XPO1: variants seen among roughly 807,000 people sequenced by gnomAD.
XPO1 encodes the protein exportin-1.
Under a neutral mutation model 133.3 loss-of-function variants are expected in XPO1, and 5 were observed. That is an observed-to-expected ratio of 0.04 (90% confidence interval 0.02 to 0.08). The LOEUF is 0.08. Ranked by LOEUF, XPO1 falls within the 10% of genes least tolerant of loss-of-function variation. XPO1 has a pLI of 1.00. For synonymous variants in XPO1, 419 were observed against 408.2 expected (o/e 1.03, Z -0.32); for missense variants, 506 against 1,267.5 (o/e 0.40, Z 9.12).
At chr2:61,526,331 A>T in intron 3 of XPO1, 89 bp downstream of exon 3, 2 of 1,488,164 alleles carry the variant, frequency 1.3e-6, no homozygotes, top group Non-Finnish European at 1.8e-6. Context: ...TTGAGATAAC[A>T]AATGCTAATA....
chr2:61,502,115 A>ATG, intron 5 of XPO1, 75 bp from the exon 6 acceptor site: 2 of 1,512,846 alleles, frequency 1.3e-6, no homozygotes, highest in East Asian at 4.5e-5. Flanking sequence ...ATCCTAACAA[A>ATG]TGATTACAGC....
chr2:61,513,909 T>C (rs564283156), intron 4 of XPO1, among the ~76,000 whole-genome samples: 3 of 152,118 alleles, frequency 2.0e-5, no homozygotes, highest in South Asian at 2.1e-4. Flanking sequence ...TGGCGGGGCA[T>C]GGTGGGCTTA....
At chr2:61,487,675 G>A (rs1328086280) in intron 19 of XPO1, among the ~76,000 whole-genome samples, 1 of 152,108 alleles carries the variant, frequency 6.6e-6, no homozygotes, top group African/African-American at 2.4e-5. Flanking sequence ...AATTTTACAA[G>A]TTGAGGCATA....
Position 61,487,718 on chromosome 2 carries a change from C to G in XPO1, c.2313+447G>C, listed in dbSNP as rs185676441. 6.1e-3 allele frequency among the ~76,000 whole-genome samples: 933 copies of G among 152,228 alleles called. 5 individuals are homozygous for G. The highest frequency in any genetic ancestry group is 9.9e-3 in the Non-Finnish European group (673 of 68,000). Reference sequence around the variant, plus strand: ...GGTTTTTATTACTGAAAATGATTTCCTTTTCTGCAAATCATTTAGGAAAAA... The same window carrying G: ...GGTTTTTATTACTGAAAATGATTTCGTTTTCTGCAAATCATTTAGGAAAAA... On this transcript the variant is annotated intron_variant, in intron 19 of 24. Transcript: ENST00000401558.
intron 20 of XPO1, chr2:61,484,356 A>G (rs1696564408): frequency 2.4e-6 from 1 of 409,566 alleles, no homozygotes; most frequent in East Asian, 4.5e-5. Flanking sequence ...GAACTCATCT[A>G]AACCATTATT....
Position 61,478,784 on chromosome 2 carries a change from G to A in XPO1, c.*36C>T, listed in dbSNP as rs754032791. 5.4e-5 allele frequency: 87 copies of A among 1,605,234 alleles called. 1 individual carries two copies. The highest frequency in any genetic ancestry group is 6.6e-5 in the Non-Finnish European group (77 of 1,175,160). ...CCACATGCTGTTTTCCTCTGCTAAC[G>A]AGTTGCAGAGAAAAAAAACAGCATG... On this transcript the variant is annotated 3_prime_UTR_variant, in exon 25 of 25. Transcript: ENST00000401558.
intron 11 of XPO1, 141 bp from the exon 12 acceptor site, chr2:61,494,232 C>G (rs1012518779): frequency 3.3e-5 from 25 of 754,102 alleles, no homozygotes; most frequent in Non-Finnish European, 4.7e-5. Flanking sequence ...ATCAAATAGA[C>G]AGCAAACTCT....
At chr2:61,487,635 C>T (rs570012595) in intron 19 of XPO1, among the ~76,000 whole-genome samples, 16 of 151,962 alleles carry the variant, frequency 1.1e-4, no homozygotes, top group African/African-American at 2.9e-4. Flanking sequence ...AAGAATGAAA[C>T]GATACAGTTA....
chr2:61,508,650 T>TA (rs1420796724), intron 4 of XPO1, among the ~76,000 whole-genome samples: 9 of 152,210 alleles, frequency 5.9e-5, no homozygotes, highest in African/African-American at 2.2e-4. Context: ...AATGATAGCG[T>TA]AAAAAGCACG....
intron 2 of XPO1, among the ~76,000 whole-genome samples, chr2:61,528,737 ATATATATAT>A: frequency 2.7e-4 from 1 of 3,742 alleles, no homozygotes; most frequent in South Asian, 0.014. Context: ...TTTTATTTAT[ATATATATAT>A]ATATATATAT....
At chr2:61,535,748 T>C (rs532703713) in intron 1 of XPO1, among the ~76,000 whole-genome samples, 1 of 152,324 alleles carries the variant, frequency 6.6e-6, no homozygotes, top group East Asian at 1.9e-4. Flanking sequence ...CGTTTCGTAG[T>C]AGGCATTAAA....
intron 2 of XPO1, among the ~76,000 whole-genome samples, chr2:61,531,337 A>C (rs1424838806): frequency 6.6e-6 from 1 of 152,232 alleles, no homozygotes; most frequent in East Asian, 1.9e-4. Flanking sequence ...ACTTTGGGAA[A>C]GTTAACCTAT....
intron 4 of XPO1, among the ~76,000 whole-genome samples, chr2:61,518,393 A>AAAAAAAC (rs1332070783): frequency 2.4e-4 from 30 of 124,510 alleles, no homozygotes; most frequent in African/African-American, 8.4e-4. Flanking sequence ...TCTACTAAAA[A>AAAAAAAC]AAAAAACAAA....
At position 61,488,460 on chromosome 2, in the gene XPO1, G is replaced by A. The variant is rs879001994; in HGVS notation, c.2206+128C>T. The A allele has an allele frequency of 6.0e-6, 7 of 1,168,418 alleles. No individual in the cohort carries two copies. The South Asian group carries it at 9.0e-5, about 15-fold the overall frequency. The allele number at this position is 1,168,418 out of a possible 1,614,324, so 72.4% of individuals were successfully genotyped here. ...AGGTACACTTAACTGTTTTAAATAT[G>A]TCTAGGGTCATTTGGGAAATGGGAG... is the stretch of plus-strand genomic sequence containing the variant. On this transcript the variant is annotated intron_variant, in intron 18 of 24. Transcript: ENST00000401558.
intron 10 of XPO1, among the ~76,000 whole-genome samples, chr2:61,496,203 T>C (rs1271834005): frequency 1.3e-5 from 2 of 151,940 alleles, no homozygotes; most frequent in African/African-American, 4.8e-5. Context: ...ACATACATAG[T>C]AATCTATCTT....
chr2:61,488,436 G>C, intron 18 of XPO1, 152 bp downstream of exon 18: 2 of 1,132,024 alleles, frequency 1.8e-6, no homozygotes, highest in Non-Finnish European at 2.5e-6. Context: ...AAAAGGGAAA[G>C]GTACACTTAA....
At chr2:61,479,592 A>G (rs762585847) in intron 24 of XPO1, among the ~76,000 whole-genome samples, 1 of 152,022 alleles carries the variant, frequency 6.6e-6, no homozygotes, top group African/African-American at 2.4e-5. Context: ...ATTCACACAA[A>G]TTTTGTTCTC....
At chr2:61,521,941 A>C (rs954980522) in intron 4 of XPO1, among the ~76,000 whole-genome samples, 6 of 152,070 alleles carry the variant, frequency 3.9e-5, no homozygotes, top group Admixed American at 1.3e-4. Context: ...AATTTTTTGT[A>C]AACACAGGGT....
Position 61,498,775 on chromosome 2 carries a change from A to C in XPO1, c.657T>G (p.Ala219=), listed in dbSNP as rs1697362958. 1 of 1,613,852 alleles carries C rather than the reference A, an allele frequency of 6.2e-7. No homozygotes were observed. Among genetic ancestry groups the C allele is most frequent in the Non-Finnish European group, 8.5e-7 (1 of 1,179,970 alleles). ...CQFVMENSQN[A]PLVHATLETL... is the part of the protein sequence containing the mutation. Reference sequence around the variant, plus strand: ...TTTCCAAGGTTGCATGTACAAGTGGAGCATTTTGAGAATTTTCCTATAACA... The same window carrying C: ...TTTCCAAGGTTGCATGTACAAGTGGCGCATTTTGAGAATTTTCCTATAACA... Residue 219 remains alanine (A), a synonymous_variant, in exon 9 of 25, where the codon GCT becomes GCG. Transcript: ENST00000401558.
Sources: allele counts gnomAD v4.1 joint callset (sites outside exome capture counted in the v4.1 genomes callset), GRCh38; gene constraint gnomAD v4.1.1; transcripts MANE v1.5; gene names NCBI Gene and HGNC (gene_info 2026-07-23, HGNC 2026-07-21).